Variants in FGF14 observed in about 807,000 individuals in gnomAD.
FGF14 encodes the protein fibroblast growth factor 14.
In FGF14, 5 loss-of-function variants were observed where a neutral mutation model predicts 25.5. The observed-to-expected ratio is 0.20, with a 90% CI of 0.10 to 0.41. The LOEUF is 0.41. Among genes scored for constraint, FGF14 ranks in the 10% least tolerant of loss-of-function variants. FGF14 has a pLI of 1.00. For missense variants in FGF14, 222 were observed against 320.1 expected (o/e 0.69, Z 2.34); for synonymous variants, 138 against 118.3 (o/e 1.17, Z -1.08).
chr13:102,125,929 T>C (rs2045930448), intron 1 of FGF14, among the ~76,000 whole-genome samples: 1 of 152,074 alleles, frequency 6.6e-6, no homozygotes, highest in South Asian at 2.1e-4. Flanking sequence ...AATTTTAAAA[T>C]TCTCAAATTT....
In FGF14 at chr13:102,324,763, T is replaced by C. The variant is rs561112028; in HGVS notation, c.208+76708A>G. 6.6e-5 allele frequency among the ~76,000 whole-genome samples: 10 copies of C among 152,330 alleles called. No homozygotes were observed. In the East Asian group the frequency reaches 1.9e-3, roughly 29 times the overall value. ...GATAAGATGTCTGGCCCATTTATAG[T>C]TTGTTTTTCTCTATTAAAGACAGAT... On this transcript the variant is annotated intron_variant, in intron 1 of 4. Transcript: ENST00000376131.
At chr13:102,366,823 C>A (rs1291661172) in intron 1 of FGF14, among the ~76,000 whole-genome samples, 1 of 152,102 alleles carries the variant, frequency 6.6e-6, no homozygotes, top group African/African-American at 2.4e-5. Flanking sequence ...CTTCTCTCTT[C>A]TGAACTAGCA....
chr13:101,846,684 A>G (rs760929149), intron 3 of FGF14, among the ~76,000 whole-genome samples: 42 of 152,054 alleles, frequency 2.8e-4, no homozygotes, highest in Non-Finnish European at 5.4e-4. Flanking sequence ...TCTACATACT[A>G]AGATAGCCAG....
chr13:102,021,714 A>G (rs1462603754), intron 1 of FGF14, among the ~76,000 whole-genome samples: 1 of 152,122 alleles, frequency 6.6e-6, no homozygotes, highest in Non-Finnish European at 1.5e-5. Flanking sequence ...GAGTCCACAG[A>G]TGAGATAATT....
At chr13:101,915,448 C>G (rs1462385233) in intron 1 of FGF14, among the ~76,000 whole-genome samples, 1 of 152,156 alleles carries the variant, frequency 6.6e-6, no homozygotes, top group Non-Finnish European at 1.5e-5. Flanking sequence ...ATGTTTCCTA[C>G]CAACCCCACT....
chr13:102,345,771 A>C (rs1457322259), intron 1 of FGF14, among the ~76,000 whole-genome samples: 1 of 152,246 alleles, frequency 6.6e-6, no homozygotes, highest in African/African-American at 2.4e-5. Flanking sequence ...AAATGTAAGA[A>C]TGCAACAAAG....
intron 1 of FGF14, among the ~76,000 whole-genome samples, chr13:102,206,205 C>T (rs1017361437): frequency 1.3e-5 from 2 of 151,236 alleles, no homozygotes; most frequent in East Asian, 1.9e-4. Flanking sequence ...GTTGGGTGTA[C>T]GGTAAAAATC....
intron 3 of FGF14, among the ~76,000 whole-genome samples, chr13:101,740,076 C>T (rs972423856): frequency 2.0e-4 from 30 of 152,220 alleles, no homozygotes; most frequent in Admixed American, 7.9e-4. Context: ...CTAGATTGCT[C>T]AATCAATCAC....
At chr13:102,338,695 G>T (rs762021641) in intron 1 of FGF14, among the ~76,000 whole-genome samples, 1 of 152,032 alleles carries the variant, frequency 6.6e-6, no homozygotes, top group Non-Finnish European at 1.5e-5. Flanking sequence ...TTAAAAACAA[G>T]ATATCATAAA....
intron 3 of FGF14, among the ~76,000 whole-genome samples, chr13:101,815,875 G>C (rs1011935059): frequency 6.6e-6 from 1 of 152,154 alleles, no homozygotes; most frequent in Non-Finnish European, 1.5e-5. Flanking sequence ...GTATAAGCAA[G>C]AGAAGGAATA....
intron 3 of FGF14, among the ~76,000 whole-genome samples, chr13:101,731,485 C>T (rs916578929): frequency 6.6e-6 from 1 of 152,098 alleles, no homozygotes; most frequent in African/African-American, 2.4e-5. Flanking sequence ...AATAATTAAA[C>T]AGAAATGTTA....
intron 1 of FGF14, among the ~76,000 whole-genome samples, chr13:102,133,945 C>CA (rs772625066): frequency 3.9e-5 from 6 of 152,188 alleles, no homozygotes; most frequent in Non-Finnish European, 8.8e-5. Flanking sequence ...TCTCTTTCTA[C>CA]AAAACACACA....
chr13:101,969,670 A>G (rs950844954), intron 1 of FGF14, among the ~76,000 whole-genome samples: 3 of 152,236 alleles, frequency 2.0e-5, no homozygotes, highest in South Asian at 2.1e-4. Flanking sequence ...CAAAATTTGC[A>G]TATTTCTACC....
chr13:102,015,229 TCAG>T (rs1465595909), intron 1 of FGF14, among the ~76,000 whole-genome samples: 1 of 152,160 alleles, frequency 6.6e-6, no homozygotes, highest in Non-Finnish European at 1.5e-5. Context: ...ATGAGAAACA[TCAG>T]CAGAATTTAT....
intron 3 of FGF14, among the ~76,000 whole-genome samples, chr13:101,736,030 GT>G (rs1412319245): frequency 6.6e-6 from 1 of 152,092 alleles, no homozygotes; most frequent in Non-Finnish European, 1.5e-5. Flanking sequence ...TATGCAAAAC[GT>G]TTCTTTGTTT....
intron 3 of FGF14, among the ~76,000 whole-genome samples, chr13:101,800,063 A>G (rs889698290): frequency 6.6e-6 from 1 of 152,060 alleles, no homozygotes; most frequent in Admixed American, 6.6e-5. Flanking sequence ...TAGAGACATA[A>G]AAAAAATGGC....
intron 1 of FGF14, among the ~76,000 whole-genome samples, chr13:102,135,060 C>CACACAAAA (rs1309843867): frequency 3.6e-5 from 5 of 139,156 alleles, no homozygotes; most frequent in African/African-American, 1.3e-4. Flanking sequence ...CACACACACA[C>CACACAAAA]AAATCCGCGT....
chr13:102,118,253 T>C (rs984812480), intron 1 of FGF14, among the ~76,000 whole-genome samples: 1 of 152,056 alleles, frequency 6.6e-6, no homozygotes, highest in South Asian at 2.1e-4. Context: ...TGTAGTTATA[T>C]ACGTATGGGA....
intron 1 of FGF14, among the ~76,000 whole-genome samples, chr13:101,957,504 C>T (rs2036584337): frequency 6.6e-6 from 1 of 152,178 alleles, no homozygotes; most frequent in Non-Finnish European, 1.5e-5. Flanking sequence ...CCCAGACCAA[C>T]AGCATTGCCA....
Sources: gnomAD v4.1 joint callset for allele counts (sites outside exome capture counted in the v4.1 genomes callset) on GRCh38, gnomAD v4.1.1 for gene constraint, MANE v1.5 for transcripts, NCBI Gene and HGNC (gene_info 2026-07-23, HGNC 2026-07-21) for gene names.